SLC16A5: variants seen among roughly 807,000 people sequenced by gnomAD.
SLC16A5 encodes the protein monocarboxylate transporter 6.
In SLC16A5, 29 loss-of-function variants were observed where a neutral mutation model predicts 33.2. The observed-to-expected ratio is 0.87, with a 90% CI of 0.65 to 1.19. SLC16A5 has a LOEUF of 1.19. SLC16A5 is among the 50% of genes most tolerant of loss of function. The probability of loss-of-function intolerance (pLI) is 0.00; values close to 1 mark genes in which losing one functional copy is unlikely to be tolerated. For missense variants in SLC16A5, 606 were observed against 678.2 expected (o/e 0.89, Z 1.18); for synonymous variants, 248 against 284.1 (o/e 0.87, Z 1.28).
In SLC16A5 at chr17:75,104,013, C is replaced by T. The variant is rs2073831897; in HGVS notation, c.1197C>T (p.Tyr399=). 1.2e-6 allele frequency: 2 copies of T among 1,614,112 alleles called. No homozygotes were observed. The highest frequency in any genetic ancestry group is 1.7e-6 in the Non-Finnish European group (2 of 1,180,054). The change falls in exon 6 of 7, where the codon TAC becomes TAT. Residue 399 remains tyrosine (Y), a synonymous_variant. Coordinates refer to ENST00000329783, the MANE Select transcript of SLC16A5 (RefSeq NM_004695.4). ...DATNNFSYVF[Y]MSSFFLISAA... is the part of the protein sequence containing the mutation. The stretch of plus-strand genomic sequence containing the variant: ...CCAACAACTTTAGCTATGTTTTCTA[C>T]ATGTCCAGCTTCTTCCTCATCTCAG...
downstream of SLC16A5, among the ~76,000 whole-genome samples, chr17:75,106,489 G>T (rs72631380): frequency 0.041 from 6,255 of 151,552 alleles, 979 homozygotes; most frequent in East Asian, 0.54. Flanking sequence ...ATGGCAGTGC[G>T]CACATGTAAT....
chr17:75,105,710 ACT>A, intron 6 of SLC16A5, 168 bp from the exon 7 acceptor site: 2 of 985,348 alleles, frequency 2.0e-6, no homozygotes, highest in Non-Finnish European at 1.2e-6. Flanking sequence ...CAGGTCATAA[ACT>A]CTGTGAACTA....
chr17:75,094,634 T>C (rs1242716701), intron 3 of SLC16A5, among the ~76,000 whole-genome samples: 5 of 147,560 alleles, frequency 3.4e-5, no homozygotes, highest in African/African-American at 1.3e-4. Context: ...TGCGGTGAGC[T>C]GAGATGGTGC....
At chr17:75,102,309 G>A (rs752892834) in intron 5 of SLC16A5, among the ~76,000 whole-genome samples, 5 of 152,144 alleles carry the variant, frequency 3.3e-5, no homozygotes, top group Non-Finnish European at 5.9e-5. Context: ...TTGGGAGGCT[G>A]AGGCAGGAGA....
rs1213745577 is a variant in SLC16A5, at chr17:75,100,224, C to T, written c.561C>T (p.Ala187=). The T allele has an allele frequency of 6.2e-7, 1 of 1,614,128 alleles. No individual in the cohort carries two copies. Among genetic ancestry groups the T allele is most frequent in the East Asian group, 2.2e-5 (1 of 44,898 alleles). Residue 187 remains alanine, a synonymous_variant, in exon 5 of 7, where the codon GCC becomes GCT. Coordinates refer to ENST00000329783, the MANE Select transcript of SLC16A5 (RefSeq NM_004695.4). ...TTCTCCACTGCTGCATCTGCGGGGC[C>T]ATCATAAGGCCTGTGGCCACCAGTG... is the stretch of plus-strand genomic sequence containing the variant. The part of the protein sequence containing the change: ...GIFLHCCICG[A]IIRPVATSVA...
chr17:75,098,884 A>G (rs539755154), intron 4 of SLC16A5, among the ~76,000 whole-genome samples: 29 of 152,064 alleles, frequency 1.9e-4, no homozygotes, highest in African/African-American at 2.7e-4. Flanking sequence ...GCTAGCAGGC[A>G]TGTGGGCAGC....
chr17:75,104,056 G>T lies in SLC16A5; in HGVS notation c.1240G>T (p.Gly414Cys), dbSNP rs1568009711. The T allele has an allele frequency of 6.2e-7, 1 of 1,614,184 alleles. No homozygotes were observed. The change falls in exon 6 of 7, where the codon GGC becomes TGC. Residue 414 changes from glycine to cysteine, a missense_variant. By Grantham distance (159) the Gly-to-Cys change is radical. Transcript: ENST00000329783. ...FLISAALFMG[G>C]SFYALQKKEQ... ...CATCTCAGCTGCCCTCTTCATGGGT[G>T]GCAGCTTCTACGCCCTGCAGAAGAA...
intron 1 of SLC16A5, among the ~76,000 whole-genome samples, chr17:75,088,429 C>G (rs1267578583): frequency 6.6e-6 from 1 of 152,180 alleles, no homozygotes; most frequent in African/African-American, 2.4e-5. Context: ...CTGTCCCAAA[C>G]CCTTGCTGGT....
intron 2 of SLC16A5, among the ~76,000 whole-genome samples, chr17:75,092,273 TCG>T (rs2073649050): frequency 6.6e-6 from 1 of 152,012 alleles, no homozygotes; most frequent in African/African-American, 2.4e-5. Flanking sequence ...ATCTCTGTGT[TCG>T]TGTGAGTGTC....
At chr17:75,107,112 C>T (rs575065528), downstream of SLC16A5, among the ~76,000 whole-genome samples, 1 of 151,758 alleles carries the variant, frequency 6.6e-6, no homozygotes, top group South Asian at 2.1e-4. Context: ...CACCCTGGGC[C>T]ACATAAGGAG....
chr17:75,101,561 GAAAAAAAAAAAAA>G (rs531652324), intron 5 of SLC16A5, among the ~76,000 whole-genome samples: 2 of 45,672 alleles, frequency 4.4e-5, no homozygotes, highest in South Asian at 1.4e-3. Context: ...GACTCCATCT[GAAAAAAAAAAAAA>G]AAAAAAAAAA....
chr17:75,100,745 A>T lies in SLC16A5; in HGVS notation c.1082A>T (p.Gln361Leu). 1 of 1,614,050 alleles carries T rather than the reference A, an allele frequency of 6.2e-7. No individual in the cohort carries two copies. The highest frequency in any genetic ancestry group is 1.1e-5 in the South Asian group (1 of 91,074). The change falls in exon 5 of 7, where the codon CAG becomes CTG. Residue 361 changes from glutamine (Q) to leucine (L), a missense_variant. Physicochemically the swap from Gln to Leu is moderately radical, Grantham distance 113. Coordinates refer to ENST00000329783, the MANE Select transcript of SLC16A5 (RefSeq NM_004695.4). ...CTCATGGACATCGTCCCCATGGATC[A>T]GTTCCCCAGAGCCCTGGGACTCTTC... ...QVLMDIVPMDQFPRALGLFTV... is the reference protein window; with the variant it reads ...QVLMDIVPMDLFPRALGLFTV...
At chr17:75,109,720 C>G (rs1416014696), downstream of SLC16A5, among the ~76,000 whole-genome samples, 1 of 152,232 alleles carries the variant, frequency 6.6e-6, no homozygotes, top group Non-Finnish European at 1.5e-5. This position sits in a 1 kb window ranked among gnomAD's most constrained non-coding sequence, Gnocchi z 5.0. Context: ...AAGTGGGTTT[C>G]TTTCTTGCGT....
At position 75,100,041 on chromosome 17, in the gene SLC16A5, C is replaced by T. The variant is rs2073769752; in HGVS notation, c.378C>T (p.Ile126=). The T allele has an allele frequency of 6.2e-7, 1 of 1,612,770 alleles. No homozygotes were observed. The highest frequency in any genetic ancestry group is 1.1e-5 in the South Asian group (1 of 91,048). Residue 126 remains isoleucine (I), a synonymous_variant, in exon 5 of 7, where the codon ATC becomes ATT. Coordinates refer to ENST00000329783, the MANE Select transcript of SLC16A5 (RefSeq NM_004695.4). ...LGMCFSFQSS[I]TVLGFYFVRR... is the part of the protein sequence containing the mutation. ...TGTGCTTCAGCTTCCAGTCAAGCAT[C>T]ACGGTGCTGGGCTTCTACTTTGTCC...
chr17:75,089,407 T>G (rs906410886), intron 2 of SLC16A5, 103 bp downstream of exon 2: 2 of 147,202 alleles, frequency 1.4e-5, no homozygotes, highest in African/African-American at 2.5e-5. Flanking sequence ...GGGTGGGGGG[T>G]GACAATAAAG....
intron 2 of SLC16A5, among the ~76,000 whole-genome samples, chr17:75,090,621 C>T (rs948592451): frequency 8.6e-5 from 13 of 151,884 alleles, no homozygotes; most frequent in African/African-American, 1.5e-4. Context: ...CCACCACGCC[C>T]GGCTAATTAT....
chr17:75,110,142 G>C, downstream of SLC16A5: 2 of 711,936 alleles, frequency 2.8e-6, no homozygotes, highest in Non-Finnish European at 4.6e-6. Context: ...AATTACTGCA[G>C]AATCTGAACC....
chr17:75,088,778 A>C (rs1315143476), intron 1 of SLC16A5, among the ~76,000 whole-genome samples: 2 of 152,144 alleles, frequency 1.3e-5, no homozygotes, highest in Non-Finnish European at 2.9e-5. Context: ...CCCTAACACG[A>C]GACCCCTGGA....
chr17:75,102,109 A>C (rs1201082504), intron 5 of SLC16A5, among the ~76,000 whole-genome samples: 1 of 152,128 alleles, frequency 6.6e-6, no homozygotes, highest in African/African-American at 2.4e-5. Context: ...TTTTTGAGCC[A>C]CAGTGCCATC....
Sources: allele counts gnomAD v4.1 joint callset (sites outside exome capture counted in the v4.1 genomes callset), GRCh38; gene constraint gnomAD v4.1.1; non-coding constraint Gnocchi (gnomAD v3.1); transcripts MANE v1.5; gene names NCBI Gene and HGNC (gene_info 2026-07-23, HGNC 2026-07-21).